The following ASIC2 variants were observed in gnomAD, a reference collection of about 807,000 sequenced individuals.
ASIC2 encodes acid sensing ion channel subunit 2.
ASIC2 carries 25 observed loss-of-function variants against 57.3 expected under a neutral mutation model. That is an observed-to-expected ratio of 0.44 (90% CI 0.32 to 0.61). The LOEUF (loss-of-function observed/expected upper bound fraction) is 0.61, where lower values mean the gene tolerates loss of function less well. Ranked by LOEUF, ASIC2 falls within the 20% of genes least tolerant of loss-of-function variation. The pLI is 0.06. For synonymous variants in ASIC2, 319 were observed against 307.5 expected (o/e 1.04, Z -0.39); for missense variants, 641 against 738.1 (o/e 0.87, Z 1.52).
chr17:33,823,440 A>G (rs887818739), intron 1 of ASIC2, among the ~76,000 whole-genome samples: 4 of 152,184 alleles, frequency 2.6e-5, no homozygotes, highest in Admixed American at 1.3e-4. Context: ...ACTGCCTCAG[A>G]AGCCCATGCC....
At chr17:34,055,980 A>G (rs1308221397) in intron 1 of ASIC2, among the ~76,000 whole-genome samples, 1 of 152,216 alleles carries the variant, frequency 6.6e-6, no homozygotes, top group Non-Finnish European at 1.5e-5. Flanking sequence ...AGGCTATTAC[A>G]GTAGTTGAGA....
chr17:33,734,236 C>A (rs1028614025), intron 1 of ASIC2, among the ~76,000 whole-genome samples: 2 of 151,612 alleles, frequency 1.3e-5, no homozygotes, highest in Non-Finnish European at 1.5e-5. Flanking sequence ...CCAAGACTAG[C>A]CCTTCCCTCC....
chr17:33,469,548 T>C (rs186978387), intron 1 of ASIC2, among the ~76,000 whole-genome samples: 217 of 151,924 alleles, frequency 1.4e-3, no homozygotes, highest in Admixed American at 4.1e-3. Flanking sequence ...CCATCATGAG[T>C]AATCCTTGCA....
rs528890434 is a variant in ASIC2, at chr17:33,950,573, C to T, written c.555+205405G>A. Among the ~76,000 whole-genome samples the T allele has an allele frequency of 1.9e-3, 291 of 152,310 alleles. 1 individual carries two copies. Among genetic ancestry groups the T allele is most frequent in the African/African-American group, 6.9e-3 (285 of 41,558 alleles). On this transcript the variant is annotated intron_variant, in intron 1 of 9. Coordinates refer to the ASIC2 transcript ENST00000359872. ...GCAGCAATGAGTGGGGACCTGGAGT[C>T]CCAGCTTGCTGAAGCAAGCCAGGTC...
chr17:33,126,286 T>C (rs555653007), intron 1 of ASIC2, among the ~76,000 whole-genome samples: 1 of 152,348 alleles, frequency 6.6e-6, no homozygotes, highest in South Asian at 2.1e-4. Context: ...CATGTGACCT[T>C]GGGTCAGTTA....
intron 1 of ASIC2, among the ~76,000 whole-genome samples, chr17:33,567,420 T>C (rs1402688887): frequency 2.0e-5 from 3 of 152,196 alleles, no homozygotes; most frequent in African/African-American, 7.2e-5. Context: ...GCAAAGAATG[T>C]GAATTTGGTC....
At chr17:33,161,855 AG>A in intron 1 of ASIC2, among the ~76,000 whole-genome samples, 1 of 110,324 alleles carries the variant, frequency 9.1e-6, no homozygotes. Flanking sequence ...CAGAATTCCT[AG>A]GTTTTTTTTT....
intron 1 of ASIC2, among the ~76,000 whole-genome samples, chr17:33,379,916 T>C (rs2141945079): frequency 1.3e-5 from 2 of 152,266 alleles, no homozygotes; most frequent in Admixed American, 1.3e-4. Flanking sequence ...TTGAGTGTCT[T>C]GCACAGAATA....
At chr17:34,027,213 C>T (rs551547287) in intron 1 of ASIC2, among the ~76,000 whole-genome samples, 88 of 152,310 alleles carry the variant, frequency 5.8e-4, no homozygotes, top group African/African-American at 2.1e-3. Context: ...CTTCCACTGG[C>T]AAAGATGTAT....
At position 33,535,433 on chromosome 17, in the gene ASIC2, C is replaced by T. The variant is rs561175164; in HGVS notation, c.556-423366G>A. Among the ~76,000 whole-genome samples, 70 of 152,050 alleles carry T rather than the reference C, an allele frequency of 4.6e-4. 1 individual carries two copies. Among genetic ancestry groups the T allele is most frequent in the South Asian group, 1.3e-3 (6 of 4,794 alleles). Reference sequence around the variant, plus strand: ...GACTACAGGCGCCTGCCACCATGCCCGGCTAAGGTTTTTTTTTGTATTTTT... The same window carrying T: ...GACTACAGGCGCCTGCCACCATGCCTGGCTAAGGTTTTTTTTTGTATTTTT... On this transcript the variant is annotated intron_variant, in intron 1 of 9. Transcript: ENST00000359872.
At chr17:33,162,753 G>A (rs1597610981) in intron 1 of ASIC2, among the ~76,000 whole-genome samples, 1 of 152,118 alleles carries the variant, frequency 6.6e-6, no homozygotes, top group African/African-American at 2.4e-5. Flanking sequence ...CTATTTTTGT[G>A]GGTGTCTAAA....
rs769972054 is a variant in ASIC2 at position 33,825,639 on chromosome 17, CAACATCAGTTTTATAATCT to C, written c.555+330320_555+330338del. ...GCAGTTCACCACCATTACCCTCACTCAACATCAGTTTTATAATCTCATAATGGGTTTTTCTAAAATTCAC... is the reference window on the plus strand; with the variant it reads ...GCAGTTCACCACCATTACCCTCACTCCATAATGGGTTTTTCTAAAATTCAC... On this transcript the variant is annotated intron_variant, in intron 1 of 9. Coordinates refer to the ASIC2 transcript ENST00000359872. Among the ~76,000 whole-genome samples, 618 of 152,334 alleles carry C rather than the reference CAACATCAGTTTTATAATCT, an allele frequency of 4.1e-3. 5 individuals carry two copies. The highest frequency in any genetic ancestry group is 0.01 in the Middle Eastern group (3 of 294).
At position 33,017,597 on chromosome 17, in the gene ASIC2, A is replaced by G. The variant is rs1315846716; in HGVS notation, c.1521+8T>C. ...GGTCATTTCCCTGTGGGGAATCCCA[A>G]ATCTTACCTCATAAATATAATCAAA... On this transcript the variant is annotated splice_region_variant and intron_variant, in intron 8 of 9. Coordinates refer to ENST00000225823, the MANE Select transcript of ASIC2 (RefSeq NM_183377.2). The G allele has an allele frequency of 1.9e-6, 3 of 1,610,352 alleles. No homozygotes were observed. In the African/African-American group the frequency reaches 4.0e-5, roughly 22 times the overall value.
At chr17:33,322,458 A>T (rs572293137) in intron 1 of ASIC2, among the ~76,000 whole-genome samples, 9 of 152,298 alleles carry the variant, frequency 5.9e-5, no homozygotes, top group Admixed American at 2.0e-4. Flanking sequence ...GCATGCTTCT[A>T]TTAAGTGCCT....
intron 1 of ASIC2, among the ~76,000 whole-genome samples, chr17:33,461,963 A>T (rs117707837): frequency 0.011 from 1,727 of 152,350 alleles, 58 homozygotes; most frequent in East Asian, 0.1. Context: ...TACATGTGCC[A>T]CTGTGTCAGG....
chr17:33,714,260 A>G (rs1323999488), intron 1 of ASIC2, among the ~76,000 whole-genome samples: 1 of 152,236 alleles, frequency 6.6e-6, no homozygotes, highest in Admixed American at 6.5e-5. Flanking sequence ...AATCAGTCCT[A>G]GAGAAACTTA....
intron 1 of ASIC2, among the ~76,000 whole-genome samples, chr17:33,603,013 T>G (rs1251511075): frequency 6.6e-6 from 1 of 152,162 alleles, no homozygotes; most frequent in African/African-American, 2.4e-5. Context: ...GCACAGAGTG[T>G]GAACATTTTC....
At chr17:33,890,490 C>T (rs1356987135) in intron 1 of ASIC2, among the ~76,000 whole-genome samples, 1 of 152,240 alleles carries the variant, frequency 6.6e-6, no homozygotes, top group Non-Finnish European at 1.5e-5. Context: ...CACAATCCTC[C>T]TTTTGATCCT....
chr17:33,580,007 A>T (rs1424361573), intron 1 of ASIC2: 1 of 152,174 alleles, frequency 6.6e-6, no homozygotes, highest in African/African-American at 2.4e-5. Flanking sequence ...AGCTAGACAC[A>T]GAGTGCTGAT....
Sources: gnomAD v4.1 joint callset for allele counts (sites outside exome capture counted in the v4.1 genomes callset) on GRCh38, gnomAD v4.1.1 for gene constraint, MANE v1.5 for transcripts, NCBI Gene and HGNC (gene_info 2026-07-23, HGNC 2026-07-21) for gene names.